Variants in CDC37 observed in about 807,000 individuals in gnomAD.
CDC37 encodes the protein hsp90 co-chaperone Cdc37.
A neutral mutation model predicts 46.9 loss-of-function variants in CDC37; 9 were observed. The observed-to-expected ratio is 0.19, with a 90% CI of 0.12 to 0.33. The LOEUF is 0.33. CDC37 is among the 10% of genes least tolerant of loss of function. The probability of loss-of-function intolerance (pLI) is 1.00; values close to 1 mark genes in which losing one functional copy is unlikely to be tolerated. For synonymous variants in CDC37, 193 were observed against 191.0 expected, an observed-to-expected ratio of 1.01 and a Z score of -0.09; for missense variants, 388 against 514.6, an observed-to-expected ratio of 0.75 and a Z score of 2.38.
At position 10,395,931 on chromosome 19, in the gene CDC37, G is replaced by A. The variant is rs781093439; in HGVS notation, c.375C>T (p.Ser125=). ...NVDTLSKDGF[S]KSMVNTKPEK... is the part of the protein sequence containing the mutation. ...CCGCCCCGCCCGCCCCGCACACCTT[G>A]CTGAAGCCGTCTTTGCTGAGCGTGT... is the stretch of plus-strand genomic sequence containing the variant. Residue 125 remains serine (S), a synonymous_variant, in exon 2 of 8, where the codon AGC becomes AGT. Transcript: ENST00000222005. 4.1e-6 allele frequency: 4 copies of A among 969,320 alleles called. No homozygotes were observed. The highest frequency in any genetic ancestry group is 1.3e-5 in the South Asian group (1 of 78,992). The allele number at this position is 969,320 out of a possible 1,614,324, so 60.0% of individuals were successfully genotyped here. A position where few individuals can be genotyped will look rare whatever the true frequency, so the allele number is the denominator to read the frequency against.
In CDC37 at chr19:10,398,794, G is replaced by A. The variant is rs750351451; in HGVS notation, c.103-2591C>T. Among the ~76,000 whole-genome samples, 9 of 152,140 alleles carry A rather than the reference G, an allele frequency of 5.9e-5. No homozygotes were observed. Among genetic ancestry groups the A allele is most frequent in the Non-Finnish European group, 1.3e-4 (9 of 68,034 alleles). ...CCCAGAGTACACGCTCAATAACTGGGAGTGGTTGTTACTACATGGTCACAG... is the reference window on the plus strand; with the variant it reads ...CCCAGAGTACACGCTCAATAACTGGAAGTGGTTGTTACTACATGGTCACAG... On this transcript the variant is annotated intron_variant, in intron 1 of 7. Transcript: ENST00000222005. This position sits in a 1 kb window ranked among gnomAD's most constrained non-coding sequence, Gnocchi z 4.2.
chr19:10,398,265 C>T lies in CDC37; in HGVS notation c.103-2062G>A, dbSNP rs1219506659. ...GCAGATACTGGCCCTCATCGTTCCC[C>T]GAAAGTACGGGCTCTGTCTTGCCTC... On this transcript the variant is annotated intron_variant, in intron 1 of 7. Coordinates refer to ENST00000222005, the MANE Select transcript of CDC37 (RefSeq NM_007065.4). This position sits in a 1 kb window ranked among gnomAD's most constrained non-coding sequence, Gnocchi z 4.2. Among the ~76,000 whole-genome samples the T allele has an allele frequency of 3.3e-5, 5 of 152,226 alleles. No individual in the cohort carries two copies. Among genetic ancestry groups the T allele is most frequent in the African/African-American group, 4.8e-5 (2 of 41,444 alleles).
At position 10,393,866 on chromosome 19, in the gene CDC37, CG is replaced by C. The variant is rs111556541; in HGVS notation, c.727-426del. ...CAGCACTTTGGGAGGCCGAGGCGGGCGGATCACGAGGTCAGGAGTTCGAAAA... is the reference window on the plus strand; with the variant it reads ...CAGCACTTTGGGAGGCCGAGGCGGGCGATCACGAGGTCAGGAGTTCGAAAA... On this transcript the variant is annotated intron_variant, in intron 5 of 7. Coordinates refer to ENST00000222005, the MANE Select transcript of CDC37 (RefSeq NM_007065.4). This position sits in a 1 kb window ranked among gnomAD's most constrained non-coding sequence, Gnocchi z 4.9. The C allele has an allele frequency of 0.087, 13,803 of 159,008 alleles. 676 individuals are homozygous for C. The highest frequency in any genetic ancestry group is 0.19 in the Middle Eastern group (60 of 322). The allele number at this position is 159,008 out of a possible 1,614,324, so 9.8% of individuals were successfully genotyped here.
chr19:10,402,311 G>A (rs2145421851), intron 1 of CDC37, among the ~76,000 whole-genome samples: 1 of 152,230 alleles, frequency 6.6e-6, no homozygotes, highest in Admixed American at 6.5e-5. Context: ...GGATCACCCA[G>A]GCTTGGGATT....
At chr19:10,400,509 GGC>G (rs1321077223) in intron 1 of CDC37, 2 of 152,190 alleles carry the variant, frequency 1.3e-5, no homozygotes, top group South Asian at 2.1e-4. Context: ...GACCAGCCTG[GGC>G]AACATGGTGA....
Position 10,403,488 on chromosome 19 carries a change from G to C in CDC37, c.-9C>G. 2.5e-6 allele frequency: 4 copies of C among 1,608,028 alleles called. No individual in the cohort carries two copies. The highest frequency in any genetic ancestry group is 3.4e-6 in the Non-Finnish European group (4 of 1,175,838). On this transcript the variant is annotated 5_prime_UTR_variant, in exon 1 of 8. Coordinates refer to ENST00000222005, the MANE Select transcript of CDC37 (RefSeq NM_007065.4). ...ACGCTGTAGTCCACCATCTTGCCTT[G>C]GCGGCCCAGCCCGCTCCGGCTCGGG...
At position 10,391,528 on chromosome 19, in the gene CDC37, GT is replaced by G. The variant is rs2042456601; in HGVS notation, c.*22del. 6.2e-7 allele frequency: 1 copy of G among 1,613,856 alleles called. No homozygotes were observed. Among genetic ancestry groups the G allele is most frequent in the Admixed American group, 1.7e-5 (1 of 60,002 alleles). ...GGGGCACATAGGGGCCTGGAAGCAG[GT>G]GGCGGTGGTAGCTGGGGCAGGTCAC... is the stretch of plus-strand genomic sequence containing the variant. On this transcript the variant is annotated 3_prime_UTR_variant, in exon 8 of 8. Coordinates refer to ENST00000222005, the MANE Select transcript of CDC37 (RefSeq NM_007065.4).
chr19:10,391,610 C>G lies in CDC37; in HGVS notation c.1078G>C (p.Gly360Arg). The G allele has an allele frequency of 6.2e-7, 1 of 1,614,210 alleles. No homozygotes were observed. The highest frequency in any genetic ancestry group is 1.1e-5 in the South Asian group (1 of 91,082). The part of the protein sequence containing the change: ...EAKEGEEAGP[G>R]DPLLEAVPKT... Reference sequence around the variant, plus strand: ...GGAACAGCTTCCAGTAATGGGTCCCCAGGACCTGCCTCCTCTCCCTCCTTG... The same window carrying G: ...GGAACAGCTTCCAGTAATGGGTCCCGAGGACCTGCCTCCTCTCCCTCCTTG... Residue 360 changes from glycine to arginine, a missense_variant, in exon 8 of 8, where the codon GGG becomes CGG. Around this residue, in one of 2 missense-constraint regions of CDC37, gnomAD observed 374 missense variants for 467.4 expected, o/e 0.80. Transcript: ENST00000222005.
chr19:10,392,560 A>G (rs1203904675), intron 7 of CDC37, among the ~76,000 whole-genome samples: 1 of 152,172 alleles, frequency 6.6e-6, no homozygotes, highest in Non-Finnish European at 1.5e-5. Flanking sequence ...CCTTGTCTTT[A>G]TAAAAACATA....
At chr19:10,394,811 C>A (rs28382785) in intron 5 of CDC37, among the ~76,000 whole-genome samples, 3 of 151,466 alleles carry the variant, frequency 2.0e-5, no homozygotes, top group Non-Finnish European at 2.9e-5. Context: ...GGATTACAGG[C>A]GTGAGCCACT....
At chr19:10,400,802 A>G (rs938158137) in intron 1 of CDC37, 2 of 152,000 alleles carry the variant, frequency 1.3e-5, no homozygotes, top group African/African-American at 4.8e-5. Flanking sequence ...AGCTAGGACT[A>G]TAGGCATGTG....
intron 1 of CDC37, among the ~76,000 whole-genome samples, chr19:10,397,951 C>T (rs1314026163): frequency 6.6e-6 from 1 of 152,142 alleles, no homozygotes; most frequent in Admixed American, 6.6e-5. Flanking sequence ...CCATCTGGGC[C>T]CCATCGGATT....
chr19:10,397,202 G>A (rs985573225), intron 1 of CDC37, among the ~76,000 whole-genome samples: 52 of 152,014 alleles, frequency 3.4e-4, no homozygotes, highest in African/African-American at 1.2e-3. Flanking sequence ...CCAGAACCAG[G>A]AACGTGGCCT....
At chr19:10,392,953 T>A (rs1427912795) in intron 7 of CDC37, 133 bp downstream of exon 7, 1 of 743,702 alleles carries the variant, frequency 1.3e-6, no homozygotes, top group Middle Eastern at 3.6e-4. Context: ...TGTGCCAAGG[T>A]GACACGACCC....
intron 1 of CDC37, chr19:10,400,677 A>T (rs2145420831): frequency 6.6e-6 from 1 of 151,996 alleles, no homozygotes; most frequent in South Asian, 2.1e-4. Context: ...TCTCAGGGTG[A>T]CAAAGCAAGG....
rs7254501 is a variant in CDC37, at chr19:10,393,786, G to T, written c.727-345C>A. ...AGGATAGCCCTGTTCCTCCAGGTACGCAGGTTAAAAATCCTAGAGGCTAGG... is the reference window on the plus strand; with the variant it reads ...AGGATAGCCCTGTTCCTCCAGGTACTCAGGTTAAAAATCCTAGAGGCTAGG... On this transcript the variant is annotated intron_variant, in intron 5 of 7. Transcript: ENST00000222005. The surrounding 1 kb of genome is among the most constrained non-coding windows in gnomAD (Gnocchi z 4.9). 1,574 of 239,336 alleles carry T rather than the reference G, an allele frequency of 6.6e-3. 29 individuals carry two copies. The highest frequency in any genetic ancestry group is 0.032 in the African/African-American group (1,434 of 44,488). 14.8% of individuals were successfully genotyped at this position (239,336 alleles called of 1,614,324 possible). A position where few individuals can be genotyped will look rare whatever the true frequency, so the allele number is the denominator to read the frequency against.
rs755464378 is a variant in CDC37 at position 10,393,378 on chromosome 19, G to A, written c.790C>T (p.Arg264Trp). The A allele has an allele frequency of 1.9e-6, 3 of 1,613,876 alleles. No homozygotes were observed. Among genetic ancestry groups the A allele is most frequent in the African/African-American group, 1.3e-5 (1 of 74,920 alleles). The change falls in exon 6 of 8, where the codon CGG becomes TGG. Residue 264 changes from arginine to tryptophan, a missense_variant. Arg to Trp is a moderately radical substitution (Grantham distance 101). Transcript: ENST00000222005. The surrounding 1 kb of genome is among the most constrained non-coding windows in gnomAD (Gnocchi z 4.9). ...DELEAFKERV[R>W]GRAKLRIEKA... is the part of the protein sequence containing the mutation. The stretch of plus-strand genomic sequence containing the variant: ...TCGATGCGCAGCTTGGCACGGCCCC[G>A]CACACGCTCCTTGAAGGCTTCCAGC...
chr19:10,395,565 A>G (rs771511787), intron 2 of CDC37, 22 bp from the exon 3 acceptor site: 1 of 1,577,538 alleles, frequency 6.3e-7, no homozygotes, highest in Non-Finnish European at 8.7e-7. Flanking sequence ...TGAGAGGGGG[A>G]GTGGGCTGGG....
At position 10,393,154 on chromosome 19, in the gene CDC37, G is replaced by A; in HGVS notation, c.913C>T (p.Leu305Phe). Reference sequence around the variant, plus strand: ...TCCTTCACATCGAAGCACTTCTGGAGTTCCTGGGGGTACAGAGGGGCTGGG... The same window carrying A: ...TCCTTCACATCGAAGCACTTCTGGAATTCCTGGGGGTACAGAGGGGCTGGG... ...VEVYESLPEELQKCFDVKDVQ... is the reference protein window; with the variant it reads ...VEVYESLPEEFQKCFDVKDVQ... The change falls in exon 7 of 8, where the codon CTC (leucine) becomes TTC (phenylalanine). Residue 305 changes from leucine to phenylalanine, a missense_variant. Leu to Phe is a conservative substitution (Grantham distance 22). This residue lies in a region of CDC37 where 374 missense variants were observed against 467.4 expected (regional missense o/e 0.80). Transcript: ENST00000222005. The surrounding 1 kb of genome is among the most constrained non-coding windows in gnomAD (Gnocchi z 4.9). 2 of 1,613,978 alleles carry A rather than the reference G, an allele frequency of 1.2e-6. No individual in the cohort carries two copies. Among genetic ancestry groups the A allele is most frequent in the Non-Finnish European group, 1.7e-6 (2 of 1,179,938 alleles).
Sources: allele counts gnomAD v4.1 joint callset (sites outside exome capture counted in the v4.1 genomes callset), GRCh38; gene constraint gnomAD v4.1.1; regional missense constraint gnomAD v4.1.1; non-coding constraint Gnocchi (gnomAD v3.1); transcripts MANE v1.5; gene names NCBI Gene and HGNC (gene_info 2026-07-23, HGNC 2026-07-21).